ZNF469: variants seen among roughly 807,000 people sequenced by gnomAD.
ZNF469 encodes the protein zinc finger protein 469.
A neutral mutation model predicts 1.0 loss-of-function variants in ZNF469; 1 was observed. The ratio of observed to expected loss-of-function variants is 1.00; its 90% CI spans 0.35 to 4.73. The LOEUF (loss-of-function observed/expected upper bound fraction) is 4.73, where lower values mean the gene tolerates loss of function less well. Among genes scored for constraint, ZNF469 ranks in the 30% most tolerant of loss-of-function variants. The pLI is 0.16. For synonymous variants in ZNF469, 2,703 were observed against 2,363.4 expected (o/e 1.14, Z -4.17); for missense variants, 6,100 against 5,356.3 (o/e 1.14, Z -4.33).
chr16:88,243,863 G>T, the ZNF469 span, among the ~76,000 whole-genome samples: 7,871 of 138,778 alleles, frequency 0.057, 769 homozygotes, highest in African/African-American at 0.2. Flanking sequence ...TGGATGGTTG[G>T]ATGCATGGGT....
At chr16:88,258,034 T>G in the ZNF469 span, among the ~76,000 whole-genome samples, 1 of 152,324 alleles carries the variant, frequency 6.6e-6, no homozygotes, top group South Asian at 2.1e-4. Context: ...AAGGAAACAC[T>G]TATAAAATAG....
chr16:88,160,808 G>C, the ZNF469 span, among the ~76,000 whole-genome samples: 17 of 152,266 alleles, frequency 1.1e-4, no homozygotes, highest in African/African-American at 4.1e-4. Flanking sequence ...GAGCCACCCA[G>C]CCGCCAGCAG....
chr16:88,341,168 G>A, the ZNF469 span, among the ~76,000 whole-genome samples: 1 of 152,296 alleles, frequency 6.6e-6, no homozygotes, highest in East Asian at 1.9e-4. Flanking sequence ...GTACAATCCT[G>A]TAAATGTGTA....
At chr16:88,281,840 C>T in the ZNF469 span, among the ~76,000 whole-genome samples, 23 of 150,010 alleles carry the variant, frequency 1.5e-4, no homozygotes, top group East Asian at 2.0e-3. Context: ...GCCATGCTGA[C>T]GCTTGGTCAG....
the ZNF469 span, among the ~76,000 whole-genome samples, chr16:88,332,307 T>C: frequency 6.6e-6 from 1 of 152,158 alleles, no homozygotes; most frequent in Non-Finnish European, 1.5e-5. Context: ...TGCTGTGGCT[T>C]ATTGCAGGAG....
At chr16:88,164,398 T>C in the ZNF469 span, among the ~76,000 whole-genome samples, 1 of 152,098 alleles carries the variant, frequency 6.6e-6, no homozygotes, top group East Asian at 1.9e-4. Context: ...GAATGGTAGA[T>C]GTACAGATGG....
chr16:88,228,716 T>C, the ZNF469 span, among the ~76,000 whole-genome samples: 1 of 152,364 alleles, frequency 6.6e-6, no homozygotes, highest in South Asian at 2.1e-4. Context: ...GAGAGTTTCC[T>C]TCCGGCCTTG....
In ZNF469 at chr16:88,424,511, A is replaced by T. The variant is rs374103109; in HGVS notation, c.-191-296A>T. Among the ~76,000 whole-genome samples the T allele has an allele frequency of 6.6e-6, 1 of 152,200 alleles. No individual in the cohort carries two copies. Among genetic ancestry groups the T allele is most frequent in the Non-Finnish European group, 1.5e-5 (1 of 68,028 alleles). ...GAGCTTCGGAGCTGCATGTACACAC[A>T]ATCTATGCGTACATAAAGACCCAAC... On this transcript the variant is annotated intron_variant, in intron 1 of 2. Transcript: ENST00000565624. This position sits in a 1 kb window ranked among gnomAD's most constrained non-coding sequence, Gnocchi z 4.3.
chr16:88,248,332 G>A, the ZNF469 span, among the ~76,000 whole-genome samples: 6 of 152,320 alleles, frequency 3.9e-5, no homozygotes, highest in East Asian at 3.9e-4. Flanking sequence ...AAATGGATCC[G>A]TGTCTTTGAT....
At chr16:88,192,488 T>C in the ZNF469 span, among the ~76,000 whole-genome samples, 1 of 152,162 alleles carries the variant, frequency 6.6e-6, no homozygotes, top group African/African-American at 2.4e-5. Context: ...CTCATGGAAT[T>C]TGGGGTCACA....
chr16:88,397,506 G>A (rs1040979798), intron 1 of ZNF469, among the ~76,000 whole-genome samples: 2 of 152,196 alleles, frequency 1.3e-5, no homozygotes, highest in Admixed American at 6.5e-5. Flanking sequence ...AAAGGGCAAG[G>A]TCGTGTATCT....
chr16:88,371,281 C>T, the ZNF469 span, among the ~76,000 whole-genome samples: 11 of 152,286 alleles, frequency 7.2e-5, no homozygotes, highest in African/African-American at 2.2e-4. Context: ...CACAATGCTC[C>T]GATAGATAAA....
chr16:88,427,615 A>G lies in ZNF469; in HGVS notation c.145A>G (p.Arg49Gly). 6.5e-7 allele frequency: 1 copy of G among 1,537,340 alleles called. No individual in the cohort carries two copies. The highest frequency in any genetic ancestry group is 8.7e-7 in the Non-Finnish European group (1 of 1,146,502). The change falls in exon 3 of 3, where the codon AGG (arginine) becomes GGG (glycine). Residue 49 changes from arginine (R) to glycine (G), a missense_variant. Physicochemically the swap from Arg to Gly is moderately radical, Grantham distance 125 (BLOSUM62 -2). Coordinates refer to ENST00000565624, the MANE Select transcript of ZNF469 (RefSeq NM_001367624.2). ...AGCTACCAGGACCACCAAGGGTGCCAGGGAGGCTGGCGGCCAGGCCCAGGC... is the reference window on the plus strand; with the variant it reads ...AGCTACCAGGACCACCAAGGGTGCCGGGGAGGCTGGCGGCCAGGCCCAGGC... ...TPATRTTKGA[R>G]EAGGQAQAME...
the ZNF469 span, among the ~76,000 whole-genome samples, chr16:88,377,262 G>A: frequency 6.6e-6 from 1 of 152,260 alleles, no homozygotes; most frequent in Non-Finnish European, 1.5e-5. Context: ...CAGGGGAGGG[G>A]CGTTGCTGCT....
At chr16:88,211,837 C>T in the ZNF469 span, among the ~76,000 whole-genome samples, 1 of 152,112 alleles carries the variant, frequency 6.6e-6, no homozygotes, top group Non-Finnish European at 1.5e-5. Flanking sequence ...GCCAGCTGGG[C>T]CCTGCCCTGA....
the ZNF469 span, among the ~76,000 whole-genome samples, chr16:88,161,347 A>G: frequency 6.6e-6 from 1 of 152,188 alleles, no homozygotes; most frequent in Non-Finnish European, 1.5e-5. Flanking sequence ...ATGGGGCGGA[A>G]ATATGCTTGG....
chr16:88,318,763 A>C, the ZNF469 span, among the ~76,000 whole-genome samples: 1 of 152,216 alleles, frequency 6.6e-6, no homozygotes, highest in African/African-American at 2.4e-5. Flanking sequence ...TCCCTTGGAA[A>C]GCATGCGAGG....
chr16:88,261,951 G>A, the ZNF469 span, among the ~76,000 whole-genome samples: 20 of 152,152 alleles, frequency 1.3e-4, no homozygotes, highest in Admixed American at 6.5e-5. The surrounding 1 kb of genome is among the most constrained non-coding windows in gnomAD (Gnocchi z 6.0). Context: ...CACAGAACAG[G>A]GGCCATGGCG....
chr16:88,404,795 A>G (rs1168874857), intron 1 of ZNF469, among the ~76,000 whole-genome samples: 1 of 152,152 alleles, frequency 6.6e-6, no homozygotes, highest in African/African-American at 2.4e-5. Flanking sequence ...GCCAGTGCAG[A>G]CGCACAGCAG....
Sources: allele counts gnomAD v4.1 joint callset (sites outside exome capture counted in the v4.1 genomes callset), GRCh38; gene constraint gnomAD v4.1.1; non-coding constraint Gnocchi (gnomAD v3.1); transcripts MANE v1.5; gene names NCBI Gene and HGNC (gene_info 2026-07-23, HGNC 2026-07-21).